The following GNAT1 variants were observed in gnomAD, a reference collection of about 807,000 sequenced individuals.
GNAT1 encodes the protein G protein subunit alpha transducin 1, also known as guanine nucleotide-binding protein G(t) subunit alpha-1.
A neutral mutation model predicts 40.0 loss-of-function variants in GNAT1; 36 were observed. That is an observed-to-expected ratio of 0.90 (90% CI 0.69 to 1.19). GNAT1 has a LOEUF of 1.19. GNAT1 is among the 50% of genes most tolerant of loss of function. The pLI is 0.00. For missense variants in GNAT1, 413 were observed against 480.6 expected (o/e 0.86, Z 1.32); for synonymous variants, 195 against 192.9 (o/e 1.01, Z -0.09).
At position 50,193,065 on chromosome 3, in the gene GNAT1, C is replaced by T; in HGVS notation, c.107-68C>T. 1 of 1,563,740 alleles carries T rather than the reference C, an allele frequency of 6.4e-7. No individual in the cohort carries two copies. The highest frequency in any genetic ancestry group is 8.8e-7 in the Non-Finnish European group (1 of 1,139,324). On this transcript the variant is annotated intron_variant, in intron 1 of 8. Transcript: ENST00000232461. This position sits in a 1 kb window ranked among gnomAD's most constrained non-coding sequence, Gnocchi z 8.1. ...CCCTGCCAACTCGGGAGGTCCCCGT[C>T]CTCCTGGCCTCCTTGCTGGAGGGGG...
chr3:50,193,727 C>G lies in GNAT1; in HGVS notation c.450-26C>G, dbSNP rs747232097. The G allele has an allele frequency of 6.2e-7, 1 of 1,601,642 alleles. No individual in the cohort carries two copies. The highest frequency in any genetic ancestry group is 1.1e-5 in the South Asian group (1 of 90,234). On this transcript the variant is annotated intron_variant, in intron 4 of 8. Coordinates refer to ENST00000232461, the MANE Select transcript of GNAT1 (RefSeq NM_144499.3). This position sits in a 1 kb window ranked among gnomAD's most constrained non-coding sequence, Gnocchi z 8.1. ...GCAGGGGGCCCTCCACGCCTCCCCA[C>G]CCACCTACGGCCGGGTCTCGCGCAG...
Position 50,193,608 on chromosome 3 carries a change from A to G in GNAT1, c.394A>G (p.Ile132Val). ...CCAGCGGCTGTGGAAGGACTCCGGT[A>G]TCCAGGCCTGTTTTGAGCGCGCCTC... ...IIQRLWKDSG[I>V]QACFERASEY... Residue 132 changes from isoleucine to valine, a missense_variant, in exon 4 of 9, where the codon ATC becomes GTC. Coordinates refer to ENST00000232461, the MANE Select transcript of GNAT1 (RefSeq NM_144499.3). This position sits in a 1 kb window ranked among gnomAD's most constrained non-coding sequence, Gnocchi z 8.1. 6.2e-7 allele frequency: 1 copy of G among 1,612,802 alleles called. No individual in the cohort carries two copies. Among genetic ancestry groups the G allele is most frequent in the Non-Finnish European group, 8.5e-7 (1 of 1,179,854 alleles).
rs1357185306 is a variant in GNAT1, at chr3:50,195,598, A to G, written c.*332A>G. 1 of 156,438 alleles carries G rather than the reference A, an allele frequency of 6.4e-6. No individual in the cohort carries two copies. The highest frequency in any genetic ancestry group is 2.4e-5 in the African/African-American group (1 of 41,440). 9.7% of individuals were successfully genotyped at this position (156,438 alleles called of 1,614,324 possible). A position where few individuals can be genotyped will look rare whatever the true frequency, so the allele number is the denominator to read the frequency against. On this transcript the variant is annotated 3_prime_UTR_variant, in exon 9 of 9. Transcript: ENST00000232461. ...TGACTCAGCAGTGCCCAACTGACCA[A>G]TCTCCCGCAGCTCTCCTGCCCCTGG... is the stretch of plus-strand genomic sequence containing the variant.
In GNAT1 at chr3:50,193,326, G is replaced by A. The variant is rs767935708; in HGVS notation, c.211G>A (p.Gly71Ser). ...ECLEFIAIIY[G>S]NTLQSILAIV... is the part of the protein sequence containing the mutation. ...CCTCGAGTTTATCGCCATCATCTAC[G>A]GCAACACGTTGCAGTCCATCCTGGC... The change falls in exon 3 of 9, where the codon GGC becomes AGC. Residue 71 changes from glycine (G) to serine (S), a missense_variant. Gly to Ser is a moderately conservative substitution (Grantham distance 56). Coordinates refer to ENST00000232461, the MANE Select transcript of GNAT1 (RefSeq NM_144499.3). This position sits in a 1 kb window ranked among gnomAD's most constrained non-coding sequence, Gnocchi z 8.1. The A allele has an allele frequency of 1.2e-6, 2 of 1,613,474 alleles. No homozygotes were observed. Among genetic ancestry groups the A allele is most frequent in the Non-Finnish European group, 8.5e-7 (1 of 1,179,578 alleles).
Position 50,191,714 on chromosome 3 carries a change from G to T in GNAT1, c.-12G>T. The T allele has an allele frequency of 6.3e-7, 1 of 1,599,396 alleles. No homozygotes were observed. The highest frequency in any genetic ancestry group is 8.6e-7 in the Non-Finnish European group (1 of 1,166,674). The stretch of plus-strand genomic sequence containing the variant: ...ACCTGCTCACTCTGTCCCTTCGCCT[G>T]CTGCTGGGACCATGGGGGCTGGGGC... On this transcript the variant is annotated 5_prime_UTR_variant, in exon 1 of 9. Coordinates refer to ENST00000232461, the MANE Select transcript of GNAT1 (RefSeq NM_144499.3).
rs1164772384 is a variant in GNAT1, at chr3:50,193,424, C to G, written c.291+18C>G. Reference sequence around the variant, plus strand: ...CACGCCAGGTGTGCCAGGAGGCGGGCTGAGCGGGCCTCTGGGGACTCGAGG... The same window carrying G: ...CACGCCAGGTGTGCCAGGAGGCGGGGTGAGCGGGCCTCTGGGGACTCGAGG... On this transcript the variant is annotated intron_variant, in intron 3 of 8. Transcript: ENST00000232461. The surrounding 1 kb of genome is among the most constrained non-coding windows in gnomAD (Gnocchi z 8.1). The G allele has an allele frequency of 6.2e-7, 1 of 1,613,650 alleles. No individual in the cohort carries two copies. The highest frequency in any genetic ancestry group is 2.2e-5 in the East Asian group (1 of 44,874).
rs1017682247 is a variant in GNAT1, at chr3:50,195,537, G to A, written c.*271G>A. 5 of 164,520 alleles carry A rather than the reference G, an allele frequency of 3.0e-5. No individual in the cohort carries two copies. The highest frequency in any genetic ancestry group is 5.6e-5 in the Admixed American group (1 of 17,938). The allele number at this position is 164,520 out of a possible 1,614,324, so 10.2% of individuals were successfully genotyped here. On this transcript the variant is annotated 3_prime_UTR_variant, in exon 9 of 9. Transcript: ENST00000232461. ...GACTCACAGCAGCCAGCCCCAGCTA[G>A]GAACGGGCAGGACTTGGGGCAGCTG...
chr3:50,194,445 C>T lies in GNAT1; in HGVS notation c.709-56C>T. 1 of 1,588,592 alleles carries T rather than the reference C, an allele frequency of 6.3e-7. No individual in the cohort carries two copies. Among genetic ancestry groups the T allele is most frequent in the Non-Finnish European group, 8.6e-7 (1 of 1,162,278 alleles). On this transcript the variant is annotated intron_variant, in intron 6 of 8. Coordinates refer to ENST00000232461, the MANE Select transcript of GNAT1 (RefSeq NM_144499.3). This position sits in a 1 kb window ranked among gnomAD's most constrained non-coding sequence, Gnocchi z 6.1. The stretch of plus-strand genomic sequence containing the variant: ...CCCGCGTGCCCGGGAGCCCAGAGAG[C>T]AGGTGCTGCGGGTCGGACGCTACCC...
In GNAT1 at chr3:50,194,232, G is replaced by A. The variant is rs1486922059; in HGVS notation, c.708+11G>A. 30 of 1,599,668 alleles carry A rather than the reference G, an allele frequency of 1.9e-5. No individual in the cohort carries two copies. The highest frequency in any genetic ancestry group is 2.2e-5 in the Non-Finnish European group (26 of 1,173,238). On this transcript the variant is annotated intron_variant, in intron 6 of 8. Transcript: ENST00000232461. The surrounding 1 kb of genome is among the most constrained non-coding windows in gnomAD (Gnocchi z 6.1). ...GAGGACGACGAAGTGGTGCGTGCCA[G>A]GCAGGGCCTGTGTTCCAGGGGGGCG...
Position 50,195,209 on chromosome 3 carries a change from A to AAAT in GNAT1, c.*2-58_*2-57insATA, listed in dbSNP as rs546061610. On this transcript the variant is annotated intron_variant, in intron 8 of 8. Transcript: ENST00000232461. ...CTTCCAGGGCCGCCCCACCACACAC[A>AAAT]ATGCCTAAACCCATTTATTTTGGGT... The AAAT allele has an allele frequency of 1.5e-3, 871 of 565,458 alleles. 3 individuals are homozygous for AAAT. Among genetic ancestry groups the AAAT allele is most frequent in the Middle Eastern group, 0.011 (24 of 2,104 alleles). The allele number at this position is 565,458 out of a possible 1,614,324, so 35.0% of individuals were successfully genotyped here.
In GNAT1 at chr3:50,194,964, G is replaced by A. The variant is rs761706596; in HGVS notation, c.*1+8G>A. On this transcript the variant is annotated splice_region_variant and intron_variant, in intron 8 of 8. Coordinates refer to ENST00000232461, the MANE Select transcript of GNAT1 (RefSeq NM_144499.3). This position sits in a 1 kb window ranked among gnomAD's most constrained non-coding sequence, Gnocchi z 6.1. ...ACTGTGGCCTCTTCTGAGGTAGGTC[G>A]CTGCCCTCTCCAGGCTCTTGCCTCA... 6.9e-6 allele frequency: 11 copies of A among 1,602,240 alleles called. No homozygotes were observed. The highest frequency in any genetic ancestry group is 1.3e-5 in the African/African-American group (1 of 74,616).
Position 50,194,989 on chromosome 3 carries a change from A to C in GNAT1, c.*1+33A>C, listed in dbSNP as rs1194118214. 1.3e-6 allele frequency: 2 copies of C among 1,504,890 alleles called. No homozygotes were observed. Among genetic ancestry groups the C allele is most frequent in the African/African-American group, 2.8e-5 (2 of 72,614 alleles). 93.2% of individuals were successfully genotyped at this position (1,504,890 alleles called of 1,614,324 possible). On this transcript the variant is annotated intron_variant, in intron 8 of 8. Coordinates refer to ENST00000232461, the MANE Select transcript of GNAT1 (RefSeq NM_144499.3). This position sits in a 1 kb window ranked among gnomAD's most constrained non-coding sequence, Gnocchi z 6.1. ...GCTGCCCTCTCCAGGCTCTTGCCTCAATACCCCAGCCCCGTCCAGCTCCCC... is the reference window on the plus strand; with the variant it reads ...GCTGCCCTCTCCAGGCTCTTGCCTCCATACCCCAGCCCCGTCCAGCTCCCC...
chr3:50,191,952 G>T, intron 1 of GNAT1, 121 bp downstream of exon 1: 7 of 710,222 alleles, frequency 9.9e-6, no homozygotes, highest in Non-Finnish European at 1.8e-5. Flanking sequence ...ACAGAGTAGG[G>T]CACAGGGTGG....
chr3:50,192,785 C>T (rs1456703934), intron 1 of GNAT1: 1 of 470,238 alleles, frequency 2.1e-6, no homozygotes, highest in African/African-American at 2.0e-5. Flanking sequence ...GAGGCTCCCA[C>T]GAGGTGGCGA....
Position 50,196,785 on chromosome 3 carries a change from G to A in GNAT1, c.*1519G>A, listed in dbSNP as rs1014135554. Among the ~76,000 whole-genome samples, 1 of 152,176 alleles carries A rather than the reference G, an allele frequency of 6.6e-6. No individual in the cohort carries two copies. Among genetic ancestry groups the A allele is most frequent in the Non-Finnish European group, 1.5e-5 (1 of 68,038 alleles). ...GTGGAGGCTCATTCTGGCAGGGACCGTAGTGTCTACCAGCCCCAGAAACAT... is the reference window on the plus strand; with the variant it reads ...GTGGAGGCTCATTCTGGCAGGGACCATAGTGTCTACCAGCCCCAGAAACAT... On this transcript the variant is annotated 3_prime_UTR_variant, in exon 9 of 9. Transcript: ENST00000232461.
At position 50,195,285 on chromosome 3, in the gene GNAT1, T is replaced by A. The variant is rs1361647308; in HGVS notation, c.*19T>A. The A allele has an allele frequency of 1.0e-4, 43 of 413,080 alleles. No homozygotes were observed. The highest frequency in any genetic ancestry group is 2.5e-4 in the Admixed American group (7 of 27,704). 25.6% of individuals were successfully genotyped at this position (413,080 alleles called of 1,614,324 possible). On this transcript the variant is annotated 3_prime_UTR_variant, in exon 9 of 9. Transcript: ENST00000232461. ...TTTCACAGGTGCCTGAATTCATGCG[T>A]GTCAGTCACCCTGAGACCTGGTAGC...
At position 50,193,475 on chromosome 3, in the gene GNAT1, C is replaced by A. The variant is rs781240229; in HGVS notation, c.292-31C>A. The A allele has an allele frequency of 3.1e-6, 5 of 1,607,368 alleles. No homozygotes were observed. In the African/African-American group the frequency reaches 5.4e-5, roughly 17 times the overall value. ...CTCGCGGCTGGGCCCGAGTCCCTGGCCGCCACCAGCCACTCTCACCCTGCC... is the reference window on the plus strand; with the variant it reads ...CTCGCGGCTGGGCCCGAGTCCCTGGACGCCACCAGCCACTCTCACCCTGCC... On this transcript the variant is annotated intron_variant, in intron 3 of 8. Transcript: ENST00000232461. This position sits in a 1 kb window ranked among gnomAD's most constrained non-coding sequence, Gnocchi z 8.1.
chr3:50,193,776 T>C lies in GNAT1; in HGVS notation c.473T>C (p.Leu158Pro). 6.2e-7 allele frequency: 1 copy of C among 1,612,416 alleles called. No homozygotes were observed. The highest frequency in any genetic ancestry group is 8.5e-7 in the Non-Finnish European group (1 of 1,179,772). The part of the protein sequence containing the change: ...AGYYLSDLER[L>P]VTPGYVPTEQ... Reference sequence around the variant, plus strand: ...AGCTACCTCTCCGACCTGGAGCGCCTGGTAACCCCGGGCTACGTGCCCACC... The same window carrying C: ...AGCTACCTCTCCGACCTGGAGCGCCCGGTAACCCCGGGCTACGTGCCCACC... Residue 158 changes from leucine to proline, a missense_variant, in exon 5 of 9, where the codon CTG becomes CCG. Transcript: ENST00000232461. The surrounding 1 kb of genome is among the most constrained non-coding windows in gnomAD (Gnocchi z 8.1).
In GNAT1 at chr3:50,194,024, C is replaced by T; in HGVS notation, c.579-68C>T. The T allele has an allele frequency of 6.2e-7, 1 of 1,609,318 alleles. No individual in the cohort carries two copies. Among genetic ancestry groups the T allele is most frequent in the African/African-American group, 1.3e-5 (1 of 74,946 alleles). On this transcript the variant is annotated intron_variant, in intron 5 of 8. Transcript: ENST00000232461. This position sits in a 1 kb window ranked among gnomAD's most constrained non-coding sequence, Gnocchi z 6.1. ...TAGTCCCGGCCGAGAGCTCCCCGAC[C>T]AGCACAGGGCGAAGGGATGTTGCCT...
Sources: allele counts gnomAD v4.1 joint callset (sites outside exome capture counted in the v4.1 genomes callset), GRCh38; gene constraint gnomAD v4.1.1; non-coding constraint Gnocchi (gnomAD v3.1); transcripts MANE v1.5; gene names NCBI Gene and HGNC (gene_info 2026-07-23, HGNC 2026-07-21).